GBF1: variants seen among roughly 807,000 people sequenced by gnomAD.
The protein encoded by GBF1 is golgi brefeldin A resistant guanine nucleotide exchange factor 1, also known as Golgi-specific brefeldin A-resistance guanine nucleotide exchange factor 1.
GBF1 carries 114 observed loss-of-function variants against 210.5 expected under a neutral mutation model. That is an observed-to-expected ratio of 0.54 (90% CI 0.47 to 0.63). The LOEUF is 0.63. Ranked by LOEUF, GBF1 falls within the 30% of genes least tolerant of loss-of-function variation. GBF1 has a pLI of 0.00. For missense variants in GBF1, 1,851 were observed against 2,357.7 expected (o/e 0.79, Z 4.45); for synonymous variants, 850 against 889.2 (o/e 0.96, Z 0.78).
chr10:102,259,346 G>C (rs2072887826), intron 2 of GBF1, among the ~76,000 whole-genome samples: 1 of 151,936 alleles, frequency 6.6e-6, no homozygotes, highest in South Asian at 2.1e-4. Flanking sequence ...ATTCTTTAGG[G>C]CTATAATTAG....
intron 8 of GBF1, among the ~76,000 whole-genome samples, chr10:102,356,705 T>G (rs1425716358): frequency 6.8e-6 from 1 of 147,798 alleles, no homozygotes; most frequent in Non-Finnish European, 1.5e-5. Flanking sequence ...AGGCGGAGCT[T>G]GCAGTGAGCC....
At chr10:102,294,656 G>A (rs1347288672) in intron 3 of GBF1, among the ~76,000 whole-genome samples, 8 of 152,034 alleles carry the variant, frequency 5.3e-5, no homozygotes, top group African/African-American at 1.9e-4. Flanking sequence ...GATTACAGGC[G>A]TGAGTCACCA....
intron 11 of GBF1, among the ~76,000 whole-genome samples, chr10:102,359,819 A>G (rs540184226): frequency 6.9e-6 from 1 of 144,548 alleles, no homozygotes; most frequent in Admixed American, 7.2e-5. Flanking sequence ...GGATTGCTGC[A>G]GTGGCACAAT....
chr10:102,230,992 T>C, the GBF1 span: 38 of 1,603,166 alleles, frequency 2.4e-5, no homozygotes, highest in Non-Finnish European at 3.1e-5. Context: ...CACCTCCTCG[T>C]AGGGCGGCAC....
chr10:102,351,631 G>A (rs957326398), intron 5 of GBF1, among the ~76,000 whole-genome samples: 5 of 152,186 alleles, frequency 3.3e-5, no homozygotes, highest in Admixed American at 3.3e-4. Flanking sequence ...TATTTGTGCC[G>A]TCCATCTCTT....
At position 102,260,041 on chromosome 10, in the gene GBF1, G is replaced by T. The variant is rs1314373190; in HGVS notation, c.97-9G>T. On this transcript the variant is annotated splice_polypyrimidine_tract_variant and intron_variant, in intron 2 of 39. Coordinates refer to ENST00000369983, the MANE Select transcript of GBF1 (RefSeq NM_001377137.1). ...AATAATGACTTACTTTAATCTATGT[G>T]TTCTACAGGATGAAGAACGGGATCC... The T allele has an allele frequency of 1.3e-6, 2 of 1,547,634 alleles. No homozygotes were observed.
chr10:102,264,897 C>G (rs1565031531), intron 3 of GBF1, among the ~76,000 whole-genome samples: 1 of 152,222 alleles, frequency 6.6e-6, no homozygotes, highest in African/African-American at 2.4e-5. Context: ...CTGCCTCTCT[C>G]TTACATCTGC....
intron 29 of GBF1, among the ~76,000 whole-genome samples, chr10:102,371,977 G>T (rs1049213041): frequency 2.0e-5 from 3 of 151,478 alleles, no homozygotes; most frequent in Admixed American, 6.6e-5. Context: ...GTCCACTTTG[G>T]GGGGCTGAGG....
chr10:102,344,296 C>T, intron 4 of GBF1, 114 bp downstream of exon 4: 2 of 849,026 alleles, frequency 2.4e-6, no homozygotes, highest in South Asian at 3.0e-5. Flanking sequence ...CCAGTCACCT[C>T]TTTTCTTGTA....
chr10:102,238,205 A>G, the GBF1 span, among the ~76,000 whole-genome samples: 1 of 152,100 alleles, frequency 6.6e-6, no homozygotes, highest in South Asian at 2.1e-4. Flanking sequence ...GTGGCCATGG[A>G]CACCCTAGAC....
At chr10:102,301,853 C>T (rs1272699054) in intron 3 of GBF1, among the ~76,000 whole-genome samples, 1 of 152,274 alleles carries the variant, frequency 6.6e-6, no homozygotes, top group East Asian at 1.9e-4. Flanking sequence ...CCTCACTTCC[C>T]AGAAGGGGTG....
chr10:102,377,379 G>A (rs955705657), intron 33 of GBF1, among the ~76,000 whole-genome samples: 4 of 150,824 alleles, frequency 2.7e-5, no homozygotes, highest in Non-Finnish European at 5.9e-5. Flanking sequence ...TTTTTGAGAT[G>A]TAGTCTCTCT....
intron 3 of GBF1, among the ~76,000 whole-genome samples, chr10:102,330,660 T>C (rs762371812): frequency 9.5e-4 from 144 of 152,086 alleles, no homozygotes; most frequent in Non-Finnish European, 1.5e-3. Context: ...CACTCCAGCC[T>C]GGGCAACAAG....
At position 102,259,941 on chromosome 10, in the gene GBF1, T is replaced by G. The variant is rs74155240; in HGVS notation, c.97-109T>G. 35 of 657,568 alleles carry G rather than the reference T, an allele frequency of 5.3e-5. No homozygotes were observed. The African/African-American group carries it at 6.4e-4, about 12-fold the overall frequency. 40.7% of individuals were successfully genotyped at this position (657,568 alleles called of 1,614,324 possible). ...ATTTTCTTTTCCTCAGAAGGAAAACTTAAATGATTTTCTGATTGGATTCAT... is the reference window on the plus strand; with the variant it reads ...ATTTTCTTTTCCTCAGAAGGAAAACGTAAATGATTTTCTGATTGGATTCAT... On this transcript the variant is annotated intron_variant, in intron 2 of 39. Coordinates refer to ENST00000369983, the MANE Select transcript of GBF1 (RefSeq NM_001377137.1).
At position 102,375,568 on chromosome 10, in the gene GBF1, A is replaced by G; in HGVS notation, c.3870A>G (p.Ala1290=). The G allele has an allele frequency of 6.2e-7, 1 of 1,610,562 alleles. No individual in the cohort carries two copies. Among genetic ancestry groups the G allele is most frequent in the East Asian group, 2.2e-5 (1 of 44,834 alleles). The part of the protein sequence containing the change: ...PPAALQATAR[A]DAPDAGAQSD... ...CTGCTCTGCAGGCCACAGCCAGGGCAGATGCACCTGATGCCGGTAAGCCCT... is the reference window on the plus strand; with the variant it reads ...CTGCTCTGCAGGCCACAGCCAGGGCGGATGCACCTGATGCCGGTAAGCCCT... The change falls in exon 30 of 40, where the codon GCA becomes GCG. Residue 1290 remains alanine (A), a synonymous_variant. Transcript: ENST00000369983.
intron 29 of GBF1, among the ~76,000 whole-genome samples, chr10:102,372,984 A>G (rs910274640): frequency 6.6e-6 from 1 of 152,194 alleles, no homozygotes; most frequent in Non-Finnish European, 1.5e-5. Flanking sequence ...TAAAAGCACA[A>G]TCTAGAAAAG....
intron 3 of GBF1, among the ~76,000 whole-genome samples, chr10:102,271,531 T>C (rs2074422710): frequency 6.8e-6 from 1 of 147,666 alleles, no homozygotes; most frequent in African/African-American, 2.5e-5. Flanking sequence ...TTTTTTTTTC[T>C]TTTGCATTGG....
At chr10:102,369,808 G>A (rs2060108535) in intron 25 of GBF1, 33 bp downstream of exon 25, 1 of 1,614,156 alleles carries the variant, frequency 6.2e-7, no homozygotes, top group South Asian at 1.1e-5. Flanking sequence ...GGGGCTTGGG[G>A]AGGGAGAGTC....
Position 102,382,537 on chromosome 10 carries a change from G to C in GBF1, c.*201G>C, listed in dbSNP as rs1057050. On this transcript the variant is annotated 3_prime_UTR_variant, in exon 40 of 40. Coordinates refer to ENST00000369983, the MANE Select transcript of GBF1 (RefSeq NM_001377137.1). ...CTGTGGGACCTTTTTCCTCCTCTGC[G>C]CTCCATTCCTGGGGGTTCAGCCTGA... is the stretch of plus-strand genomic sequence containing the variant. The C allele has an allele frequency of 6.7e-5, 36 of 533,552 alleles. No individual in the cohort carries two copies. The highest frequency in any genetic ancestry group is 6.5e-4 in the African/African-American group (34 of 52,138). The allele number at this position is 533,552 out of a possible 1,614,324, so 33.1% of individuals were successfully genotyped here. A position where few individuals can be genotyped will look rare whatever the true frequency, so the allele number is the denominator to read the frequency against.
Sources: allele counts gnomAD v4.1 joint callset (sites outside exome capture counted in the v4.1 genomes callset), GRCh38; gene constraint gnomAD v4.1.1; transcripts MANE v1.5; gene names NCBI Gene and HGNC (gene_info 2026-07-23, HGNC 2026-07-21).